Variants in FSHR observed in about 807,000 individuals in gnomAD.
The protein encoded by FSHR is follicle stimulating hormone receptor.
FSHR carries 46 observed loss-of-function variants against 52.1 expected under a neutral mutation model. The ratio of observed to expected loss-of-function variants is 0.88; its 90% confidence interval spans 0.70 to 1.13. The LOEUF is 1.13. Ranked by LOEUF, FSHR falls within the 50% of genes most tolerant of loss-of-function variation. The pLI, the probability that FSHR is intolerant of heterozygous loss-of-function variation, is 0.00. For missense variants in FSHR, 964 were observed against 834.6 expected (o/e 1.16, Z -1.91); for synonymous variants, 399 against 309.6 (o/e 1.29, Z -3.03).
At chr2:49,059,285 A>T (rs1669194288) in intron 2 of FSHR, among the ~76,000 whole-genome samples, 1 of 152,148 alleles carries the variant, frequency 6.6e-6, no homozygotes, top group East Asian at 1.9e-4. Context: ...TTAAATTTGT[A>T]CGGAACCACA....
rs969837047 is a variant in FSHR at position 49,099,329 on chromosome 2, C to G, written c.153-31039G>C. Among the ~76,000 whole-genome samples the G allele has an allele frequency of 1.6e-4, 25 of 152,028 alleles. 1 individual carries two copies. Among genetic ancestry groups the G allele is most frequent in the Non-Finnish European group, 3.1e-4 (21 of 67,994 alleles). On this transcript the variant is annotated intron_variant, in intron 1 of 9. Transcript: ENST00000406846. ...AAAGGGTTTCCTCTTTTGCTTGGCT[C>G]TCATTCTCTCTCTTGCTGCTGCCAT...
chr2:49,021,076 A>G (rs905044919), intron 2 of FSHR, among the ~76,000 whole-genome samples: 2 of 152,236 alleles, frequency 1.3e-5, no homozygotes, highest in Non-Finnish European at 2.9e-5. Context: ...CACATCCTGC[A>G]CATGTACCCT....
At chr2:49,036,683 G>A (rs556602783) in intron 2 of FSHR, among the ~76,000 whole-genome samples, 68 of 152,160 alleles carry the variant, frequency 4.5e-4, no homozygotes, top group African/African-American at 1.6e-3. Context: ...GTTTGTCAAG[G>A]TAGAACATAA....
At chr2:48,964,755 G>A (rs1237559283) in intron 9 of FSHR, among the ~76,000 whole-genome samples, 6 of 152,234 alleles carry the variant, frequency 3.9e-5, no homozygotes, top group African/African-American at 1.2e-4. Context: ...TTACTGTCTT[G>A]GTTTTGCCTT....
chr2:49,095,925 T>C (rs1670808486), intron 1 of FSHR, among the ~76,000 whole-genome samples: 1 of 152,192 alleles, frequency 6.6e-6, no homozygotes, highest in Non-Finnish European at 1.5e-5. Context: ...AATGCCACTT[T>C]ACATTCACTA....
intron 2 of FSHR, among the ~76,000 whole-genome samples, chr2:49,021,833 C>CTCTCTT (rs1667713120): frequency 3.2e-5 from 1 of 31,624 alleles, no homozygotes; most frequent in African/African-American, 1.1e-4. Flanking sequence ...GTATGTGTTT[C>CTCTCTT]TCTCTCTCTC....
At chr2:49,096,007 C>T (rs1318084891) in intron 1 of FSHR, among the ~76,000 whole-genome samples, 1 of 152,140 alleles carries the variant, frequency 6.6e-6, no homozygotes, top group Non-Finnish European at 1.5e-5. Flanking sequence ...AATGCTCTCA[C>T]ATTGGTAGTA....
chr2:49,132,637 T>C (rs998862813), intron 1 of FSHR, among the ~76,000 whole-genome samples: 10 of 152,118 alleles, frequency 6.6e-5, no homozygotes, highest in African/African-American at 2.4e-4. Context: ...GTAACTTCAT[T>C]GCAATAACAT....
At chr2:49,144,229 T>A (rs1028366440) in intron 1 of FSHR, among the ~76,000 whole-genome samples, 3 of 152,184 alleles carry the variant, frequency 2.0e-5, no homozygotes, top group Admixed American at 1.3e-4. Context: ...AAGATTCTGA[T>A]GCAGCAATTC....
intron 2 of FSHR, among the ~76,000 whole-genome samples, chr2:49,020,915 A>G (rs957784287): frequency 6.6e-6 from 1 of 152,144 alleles, no homozygotes; most frequent in African/African-American, 2.4e-5. Flanking sequence ...AGGGAGGGGA[A>G]CAACACACAC....
chr2:49,100,912 G>A (rs1379726225), intron 1 of FSHR, among the ~76,000 whole-genome samples: 1 of 152,138 alleles, frequency 6.6e-6, no homozygotes, highest in African/African-American at 2.4e-5. Context: ...AGAATGATCA[G>A]GGAGCTTCAA....
intron 9 of FSHR, among the ~76,000 whole-genome samples, chr2:48,966,473 A>G (rs1455029086): frequency 6.6e-6 from 1 of 152,200 alleles, no homozygotes; most frequent in Non-Finnish European, 1.5e-5. Flanking sequence ...ACTGTAGTTG[A>G]TACGAACTTT....
intron 8 of FSHR, among the ~76,000 whole-genome samples, chr2:48,979,562 C>T (rs1260274814): frequency 1.3e-5 from 2 of 152,172 alleles, no homozygotes; most frequent in Non-Finnish European, 2.9e-5. Context: ...ACTTTCTCCT[C>T]CCCAGGAGTT....
chr2:48,998,208 A>G lies in FSHR; in HGVS notation c.375-7571T>C, dbSNP rs1676109765. Among the ~76,000 whole-genome samples the G allele has an allele frequency of 2.0e-5, 3 of 152,106 alleles. No homozygotes were observed. The South Asian group carries it at 6.2e-4, about 32-fold the overall frequency. On this transcript the variant is annotated intron_variant, in intron 4 of 9. Transcript: ENST00000406846. ...ATGGCTGTCAGAAATAATGGTACAA[A>G]GCAGATATTTTCTAATTAGACATAC...
At chr2:49,145,251 C>G (rs1345076030) in intron 1 of FSHR, among the ~76,000 whole-genome samples, 1 of 152,116 alleles carries the variant, frequency 6.6e-6, no homozygotes, top group African/African-American at 2.4e-5. Context: ...AAGATTGAGT[C>G]TCTTGTATTT....
chr2:49,035,622 T>C (rs761850975), intron 2 of FSHR, among the ~76,000 whole-genome samples: 6 of 152,212 alleles, frequency 3.9e-5, no homozygotes, highest in Non-Finnish European at 8.8e-5. Flanking sequence ...ATCATCATAT[T>C]ATAGAATTAC....
chr2:49,013,513 T>A (rs5831018), intron 4 of FSHR, among the ~76,000 whole-genome samples: 7,431 of 136,478 alleles, frequency 0.054, 601 homozygotes, highest in African/African-American at 0.17. Context: ...TATATATATA[T>A]ATAAATATAT....
intron 8 of FSHR, among the ~76,000 whole-genome samples, chr2:48,981,402 T>C (rs2104059109): frequency 6.6e-6 from 1 of 152,306 alleles, no homozygotes; most frequent in South Asian, 2.1e-4. Context: ...TGTGTGTGTG[T>C]GTTTTATGCT....
intron 1 of FSHR, among the ~76,000 whole-genome samples, chr2:49,069,109 A>C (rs1341796303): frequency 6.6e-6 from 1 of 151,938 alleles, no homozygotes; most frequent in Non-Finnish European, 1.5e-5. Flanking sequence ...TCCTCATCTC[A>C]CTAGGGGAAA....
Sources: gnomAD v4.1 joint callset for allele counts (sites outside exome capture counted in the v4.1 genomes callset) on GRCh38, gnomAD v4.1.1 for gene constraint, MANE v1.5 for transcripts, NCBI Gene and HGNC (gene_info 2026-07-23, HGNC 2026-07-21) for gene names.